KCNH7: variants seen among roughly 807,000 people sequenced by gnomAD.
KCNH7 encodes the protein voltage-gated inwardly rectifying potassium channel KCNH7.
KCNH7 carries 49 observed loss-of-function variants against 120.8 expected under a neutral mutation model. That is an observed-to-expected ratio of 0.41 (90% CI 0.32 to 0.51). The LOEUF (loss-of-function observed/expected upper bound fraction) is 0.51. Among genes scored for constraint, KCNH7 ranks in the 20% least tolerant of loss-of-function variants. The pLI is 0.38. For synonymous variants in KCNH7, 547 were observed against 516.1 expected (o/e 1.06, Z -0.81); for missense variants, 1,097 against 1,446.6 (o/e 0.76, Z 3.92).
chr2:162,733,263 A>C (rs903160262), intron 2 of KCNH7, among the ~76,000 whole-genome samples: 4 of 152,160 alleles, frequency 2.6e-5, no homozygotes, highest in African/African-American at 9.7e-5. Flanking sequence ...TCTATTGTCT[A>C]TATTTTGTCT....
chr2:162,496,405 G>A (rs2160703), intron 6 of KCNH7, among the ~76,000 whole-genome samples: 1 of 151,976 alleles, frequency 6.6e-6, no homozygotes, highest in Non-Finnish European at 1.5e-5. Flanking sequence ...ATGCGCACTG[G>A]GGGGATGGAG....
At position 162,682,417 on chromosome 2, in the gene KCNH7, C is replaced by CAGAGAG. The variant is rs35747306; in HGVS notation, c.308-145343_308-145338dup. On this transcript the variant is annotated intron_variant, in intron 2 of 15. Coordinates refer to ENST00000332142, the MANE Select transcript of KCNH7 (RefSeq NM_033272.4). ...GTCTAGTTGTCCTGAGAGACAGAGA[C>CAGAGAG]AGAGAGAGAGAGAGAGAGAGAGAGA... Among the ~76,000 whole-genome samples, 431 of 147,246 alleles carry CAGAGAG rather than the reference C, an allele frequency of 2.9e-3. 2 individuals are homozygous for CAGAGAG. The highest frequency in any genetic ancestry group is 0.01 in the African/African-American group (408 of 40,674).
At chr2:162,417,751 T>C (rs1687582917) in intron 9 of KCNH7, among the ~76,000 whole-genome samples, 1 of 152,162 alleles carries the variant, frequency 6.6e-6, no homozygotes, top group Admixed American at 6.6e-5. Flanking sequence ...TCCTCCTTGA[T>C]GATGGTTGGA....
Position 162,536,955 on chromosome 2 carries a change from T to C in KCNH7, c.433A>G (p.Asn145Asp). The change falls in exon 3 of 16, where the codon AAC becomes GAC. Residue 145 changes from asparagine to aspartate, a missense_variant. By Grantham distance (23) the Asn-to-Asp change is conservative. Transcript: ENST00000332142. ...NENAATPERV[N>D]PILPIKTVNR... ...ACAGTTTTGATTGGTAATATTGGGT[T>C]TACCCTCTCTGGGGTGGCAGCGTTT... 6.2e-7 allele frequency: 1 copy of C among 1,612,908 alleles called. No individual in the cohort carries two copies. Among genetic ancestry groups the C allele is most frequent in the Admixed American group, 1.7e-5 (1 of 59,950 alleles).
At position 162,445,038 on chromosome 2, in the gene KCNH7, C is replaced by T. The variant is rs547862185; in HGVS notation, c.1554+980G>A. On this transcript the variant is annotated intron_variant, in intron 7 of 15. Coordinates refer to ENST00000332142, the MANE Select transcript of KCNH7 (RefSeq NM_033272.4). ...CCAGGAAAAATGTATTGTTTCATTGCCCTGCTCTTAACTGACTCACAGTTC... is the reference window on the plus strand; with the variant it reads ...CCAGGAAAAATGTATTGTTTCATTGTCCTGCTCTTAACTGACTCACAGTTC... Among the ~76,000 whole-genome samples, 7 of 152,188 alleles carry T rather than the reference C, an allele frequency of 4.6e-5. No individual in the cohort carries two copies. The South Asian group carries it at 1.2e-3, about 27-fold the overall frequency.
intron 2 of KCNH7, among the ~76,000 whole-genome samples, chr2:162,644,915 T>C (rs988637416): frequency 6.6e-6 from 1 of 152,174 alleles, no homozygotes; most frequent in Non-Finnish European, 1.5e-5. Context: ...TTATTTGACC[T>C]TAGAAAATAA....
chr2:162,428,607 G>T lies in KCNH7; in HGVS notation c.1955-5072C>A, dbSNP rs113441221. On this transcript the variant is annotated intron_variant, in intron 8 of 15. Coordinates refer to ENST00000332142, the MANE Select transcript of KCNH7 (RefSeq NM_033272.4). ...ATTTGGTCTATTTATTCTATAAAACGCTGAGAGAGGAGTGTTAACATTGCA... is the reference window on the plus strand; with the variant it reads ...ATTTGGTCTATTTATTCTATAAAACTCTGAGAGAGGAGTGTTAACATTGCA... 2.6e-3 allele frequency among the ~76,000 whole-genome samples: 389 copies of T among 151,890 alleles called. 1 individual carries two copies. The highest frequency in any genetic ancestry group is 8.7e-3 in the African/African-American group (362 of 41,534).
intron 2 of KCNH7, among the ~76,000 whole-genome samples, chr2:162,651,673 T>C (rs1188043061): frequency 1.3e-5 from 2 of 152,144 alleles, no homozygotes; most frequent in African/African-American, 4.8e-5. Context: ...TTTGTGTGCA[T>C]GGGTGTTTAC....
chr2:162,372,656 T>C (rs1416980994), intron 15 of KCNH7, among the ~76,000 whole-genome samples: 4 of 152,180 alleles, frequency 2.6e-5, no homozygotes, highest in African/African-American at 9.6e-5. Flanking sequence ...CTTATTAGTG[T>C]AATTTCATTT....
At chr2:162,654,687 A>G (rs752459184) in intron 2 of KCNH7, among the ~76,000 whole-genome samples, 16 of 152,160 alleles carry the variant, frequency 1.1e-4, no homozygotes, top group Non-Finnish European at 1.6e-4. Flanking sequence ...TCAAACAGAT[A>G]TCTGCACTCC....
At chr2:162,440,996 A>G (rs1688398513) in intron 7 of KCNH7, among the ~76,000 whole-genome samples, 1 of 152,162 alleles carries the variant, frequency 6.6e-6, no homozygotes, top group Non-Finnish European at 1.5e-5. Flanking sequence ...GTAGACAATC[A>G]ATCACATACA....
At chr2:162,709,138 G>T (rs183318423) in intron 2 of KCNH7, among the ~76,000 whole-genome samples, 1 of 151,862 alleles carries the variant, frequency 6.6e-6, no homozygotes, top group East Asian at 1.9e-4. Flanking sequence ...AAATAGAGAC[G>T]GTATTAGTAC....
In KCNH7 at chr2:162,659,320, C is replaced by G. The variant is rs111510709; in HGVS notation, c.308-122240G>C. On this transcript the variant is annotated intron_variant, in intron 2 of 15. Transcript: ENST00000332142. ...TGCATATTGCATACTGGAATATAGTCTACTTGATAGTGGCATATAATTCTT... is the reference window on the plus strand; with the variant it reads ...TGCATATTGCATACTGGAATATAGTGTACTTGATAGTGGCATATAATTCTT... 6.5e-3 allele frequency among the ~76,000 whole-genome samples: 979 copies of G among 150,392 alleles called. 15 individuals carry two copies. Among genetic ancestry groups the G allele is most frequent in the African/African-American group, 0.022 (923 of 41,102 alleles).
chr2:162,547,993 G>A (rs1366726353), intron 2 of KCNH7, among the ~76,000 whole-genome samples: 1 of 151,282 alleles, frequency 6.6e-6, no homozygotes, highest in Non-Finnish European at 1.5e-5. Flanking sequence ...AGCAGAAAAA[G>A]GTGAAAGTAA....
chr2:162,608,793 A>C (rs992144801), intron 2 of KCNH7, among the ~76,000 whole-genome samples: 5 of 152,106 alleles, frequency 3.3e-5, no homozygotes, highest in Non-Finnish European at 7.4e-5. Context: ...TCTACCTCAT[A>C]CACCTGGCAA....
At chr2:162,526,057 A>G (rs1691694734) in intron 3 of KCNH7, among the ~76,000 whole-genome samples, 1 of 152,002 alleles carries the variant, frequency 6.6e-6, no homozygotes, top group Non-Finnish European at 1.5e-5. Flanking sequence ...ATAAAGGGAC[A>G]GAGTACAAAA....
chr2:162,717,107 G>A (rs1045217334), intron 2 of KCNH7, among the ~76,000 whole-genome samples: 1 of 152,076 alleles, frequency 6.6e-6, no homozygotes, highest in African/African-American at 2.4e-5. Context: ...TTACAAGGTA[G>A]AACTAAAAGG....
intron 6 of KCNH7, among the ~76,000 whole-genome samples, chr2:162,481,815 C>A (rs769890018): frequency 1.3e-5 from 2 of 152,046 alleles, no homozygotes; most frequent in Non-Finnish European, 2.9e-5. Flanking sequence ...GTTTATTTAG[C>A]CCAATTACCA....
intron 2 of KCNH7, among the ~76,000 whole-genome samples, chr2:162,584,337 TG>T (rs1693961104): frequency 6.6e-6 from 1 of 152,264 alleles, no homozygotes; most frequent in African/African-American, 2.4e-5. Flanking sequence ...AGTTTCAATA[TG>T]GTTAAATAAT....
Sources: gnomAD v4.1 joint callset for allele counts (sites outside exome capture counted in the v4.1 genomes callset) on GRCh38, gnomAD v4.1.1 for gene constraint, MANE v1.5 for transcripts, NCBI Gene and HGNC (gene_info 2026-07-23, HGNC 2026-07-21) for gene names.